MIX23: variants seen among roughly 807,000 people sequenced by gnomAD.
The protein encoded by MIX23 is protein MIX23.
MIX23 carries 13 observed loss-of-function variants against 21.6 expected under a neutral mutation model. That is an observed-to-expected ratio of 0.60 (90% CI 0.39 to 0.96). The LOEUF is 0.96. Ranked by LOEUF, MIX23 falls within the 40% of genes least tolerant of loss-of-function variation. MIX23 has a pLI of 0.00. For synonymous variants in MIX23, 59 were observed against 58.0 expected (o/e 1.02, Z -0.08); for missense variants, 144 against 171.2 (o/e 0.84, Z 0.89).
At chr3:122,372,592 C>G (rs911240736) in intron 1 of MIX23, among the ~76,000 whole-genome samples, 2 of 152,106 alleles carry the variant, frequency 1.3e-5, no homozygotes, top group Non-Finnish European at 2.9e-5. Flanking sequence ...GAGGCTGAGG[C>G]AGGAGTATCA....
chr3:122,380,713 T>G (rs964496717), intron 1 of MIX23, among the ~76,000 whole-genome samples: 1 of 152,020 alleles, frequency 6.6e-6, no homozygotes, highest in Non-Finnish European at 1.5e-5. Context: ...AACCCAAAAC[T>G]CAAAAGCATA....
intron 4 of MIX23, among the ~76,000 whole-genome samples, chr3:122,362,641 T>C (rs1018563022): frequency 2.0e-5 from 3 of 151,968 alleles, no homozygotes; most frequent in African/African-American, 7.2e-5. Flanking sequence ...GCCACCACGC[T>C]AATTTTTGTA....
rs1173667728 is a variant in MIX23 at position 122,359,627 on chromosome 3, AATTTTTTTT to A, written c.*233_*241del. On this transcript the variant is annotated 3_prime_UTR_variant, in exon 5 of 5. Coordinates refer to ENST00000291458, the MANE Select transcript of MIX23 (RefSeq NM_001017928.4). ...AGAAAATTATTTTAATAGTTACAAAAATTTTTTTTTTTTTTTTTTACAGAATCAGTATAA... is the reference window on the plus strand; with the variant it reads ...AGAAAATTATTTTAATAGTTACAAAATTTTTTTTTTACAGAATCAGTATAA... 4.0e-6 allele frequency: 1 copy of A among 248,960 alleles called. No homozygotes were observed. The highest frequency in any genetic ancestry group is 7.3e-6 in the Non-Finnish European group (1 of 136,384). 15.4% of individuals were successfully genotyped at this position (248,960 alleles called of 1,614,324 possible).
chr3:122,376,734 G>A (rs1268592760), intron 1 of MIX23, among the ~76,000 whole-genome samples: 1 of 152,158 alleles, frequency 6.6e-6, no homozygotes, highest in Non-Finnish European at 1.5e-5. Context: ...TACCAAATGT[G>A]CTTGCTTATA....
At chr3:122,372,224 CA>C (rs55800173) in intron 1 of MIX23, among the ~76,000 whole-genome samples, 462 of 46,072 alleles carry the variant, frequency 0.01, no homozygotes, top group African/African-American at 0.024. Context: ...CTCCAACTCT[CA>C]AAAAAAAAAA....
intron 2 of MIX23, 76 bp from the exon 3 acceptor site, chr3:122,368,398 C>G: frequency 1.5e-6 from 2 of 1,366,594 alleles, no homozygotes; most frequent in Non-Finnish European, 2.0e-6. Flanking sequence ...TCAAAAAAAT[C>G]CTTGAGACTA....
rs897961829 is a variant in MIX23, at chr3:122,359,814, G to T, written c.*55C>A. 8.5e-6 allele frequency: 11 copies of T among 1,300,956 alleles called. No homozygotes were observed. In the African/African-American group the frequency reaches 1.9e-4, roughly 22 times the overall value. 80.6% of individuals were successfully genotyped at this position (1,300,956 alleles called of 1,614,324 possible). Reference sequence around the variant, plus strand: ...GATATCTGTCATGCTTAGCTCTTATGAGATGACCCAGTCCTTAAAAAAAAA... The same window carrying T: ...GATATCTGTCATGCTTAGCTCTTATTAGATGACCCAGTCCTTAAAAAAAAA... On this transcript the variant is annotated 3_prime_UTR_variant, in exon 5 of 5. Transcript: ENST00000291458.
chr3:122,383,124 C>T, intron 1 of MIX23, 50 bp downstream of exon 1: 3 of 1,609,808 alleles, frequency 1.9e-6, no homozygotes, highest in Non-Finnish European at 2.6e-6. Context: ...GGAATAGGGT[C>T]TGGGGACAAA....
chr3:122,371,641 T>G, intron 2 of MIX23, 34 bp downstream of exon 2: 1 of 1,609,244 alleles, frequency 6.2e-7, no homozygotes, highest in Non-Finnish European at 8.5e-7. Context: ...AAGAAAGGCA[T>G]GAAAGAAGCA....
chr3:122,362,150 A>G (rs1559988409), intron 4 of MIX23, among the ~76,000 whole-genome samples: 1 of 152,194 alleles, frequency 6.6e-6, no homozygotes, highest in East Asian at 1.9e-4. Flanking sequence ...GAACTATGCA[A>G]TGATAATAAG....
At chr3:122,364,308 A>T (rs1213309758) in intron 3 of MIX23, among the ~76,000 whole-genome samples, 1 of 152,246 alleles carries the variant, frequency 6.6e-6, no homozygotes, top group African/African-American at 2.4e-5. Flanking sequence ...GCTGTGCAGT[A>T]GTAACAAGCC....
chr3:122,373,050 A>AATT (rs745786988), intron 1 of MIX23: 1 of 395,132 alleles, frequency 2.5e-6, no homozygotes, highest in Non-Finnish European at 4.9e-6. Flanking sequence ...TTAAAATAAA[A>AATT]ATTATTATTA....
At chr3:122,372,672 A>T (rs185984305) in intron 1 of MIX23, among the ~76,000 whole-genome samples, 313 of 151,898 alleles carry the variant, frequency 2.1e-3, no homozygotes, top group African/African-American at 4.3e-3. Flanking sequence ...CAAAAAAAAA[A>T]TTTTTTTTAA....
intron 1 of MIX23, among the ~76,000 whole-genome samples, chr3:122,380,619 TAA>T (rs2075523612): frequency 6.6e-6 from 1 of 152,082 alleles, no homozygotes; most frequent in African/African-American, 2.4e-5. Flanking sequence ...AGGACAATAA[TAA>T]GAGACATGAC....
In MIX23 at chr3:122,359,787, T is replaced by C. The variant is rs1241535810; in HGVS notation, c.*82A>G. The C allele has an allele frequency of 2.9e-6, 4 of 1,370,622 alleles. No individual in the cohort carries two copies. The East Asian group carries it at 1.1e-4, about 37-fold the overall frequency. 84.9% of individuals were successfully genotyped at this position (1,370,622 alleles called of 1,614,324 possible). ...AAATCATCCTAGAAAGCCCGCCCTG[T>C]TGATATCTGTCATGCTTAGCTCTTA... On this transcript the variant is annotated 3_prime_UTR_variant, in exon 5 of 5. Coordinates refer to ENST00000291458, the MANE Select transcript of MIX23 (RefSeq NM_001017928.4).
At chr3:122,368,119 T>C in intron 3 of MIX23, 57 bp downstream of exon 3, 1 of 1,557,054 alleles carries the variant, frequency 6.4e-7, no homozygotes, top group Non-Finnish European at 8.8e-7. Flanking sequence ...AAATCTTACT[T>C]TGAAGGCTAC....
intron 3 of MIX23, 76 bp from the exon 4 acceptor site, chr3:122,363,103 G>T: frequency 8.1e-7 from 1 of 1,235,356 alleles, no homozygotes; most frequent in Non-Finnish European, 1.2e-6. Flanking sequence ...AATTTAAAGA[G>T]CTAAAACCAC....
chr3:122,373,772 C>G (rs2075461525), intron 1 of MIX23, among the ~76,000 whole-genome samples: 1 of 152,160 alleles, frequency 6.6e-6, no homozygotes, highest in Non-Finnish European at 1.5e-5. Flanking sequence ...CTTTTCTATA[C>G]CTCAATCTAG....
In MIX23 at chr3:122,359,873, T is replaced by C; in HGVS notation, c.431A>G (p.Glu144Gly). 6.5e-7 allele frequency: 1 copy of C among 1,539,724 alleles called. No individual in the cohort carries two copies. Among genetic ancestry groups the C allele is most frequent in the Non-Finnish European group, 8.7e-7 (1 of 1,143,832 alleles). Residue 144 changes from glutamate (E) to glycine (G), a missense_variant, in exon 5 of 5, where the codon GAA becomes GGA. Glu to Gly is a moderately conservative substitution (Grantham distance 98). Transcript: ENST00000291458. ...CRIHFKPPKNE is the reference protein window; with the variant it reads ...CRIHFKPPKNG ...AAAAAAAAAAAGAATCTCTCTTTAT[T>C]CATTCTTTGGAGGCTTGAAGTGAAT...
Sources: allele counts gnomAD v4.1 joint callset (sites outside exome capture counted in the v4.1 genomes callset), GRCh38; gene constraint gnomAD v4.1.1; transcripts MANE v1.5; gene names NCBI Gene and HGNC (gene_info 2026-07-23, HGNC 2026-07-21).